The following ANXA8 variants were observed in gnomAD, a reference collection of about 807,000 sequenced individuals.
ANXA8 encodes the protein annexin A8.
Under a neutral mutation model 26.8 loss-of-function variants are expected in ANXA8, and 9 were observed. The observed-to-expected ratio is 0.34, with a 90% CI of 0.20 to 0.59. The LOEUF is 0.59. Among genes scored for constraint, ANXA8 ranks in the 20% least tolerant of loss-of-function variants. The pLI is 0.84. For synonymous variants in ANXA8, 39 were observed against 94.8 expected, an observed-to-expected ratio of 0.41 and a Z score of 3.42; for missense variants, 83 against 238.5, an observed-to-expected ratio of 0.35 and a Z score of 4.29.
chr10:47,490,459 C>G, the ANXA8 span: 67 of 152,406 alleles, frequency 4.4e-4, no homozygotes, highest in Non-Finnish European at 8.0e-4. Flanking sequence ...TGCGAAGGCC[C>G]CGAGTTCTGG....
At chr10:47,767,478 GCTGCTCCCCTGCCTGGCAGGC>G in the ANXA8 span, among the ~76,000 whole-genome samples, 21 of 152,344 alleles carry the variant, frequency 1.4e-4, no homozygotes, top group South Asian at 2.1e-4. Context: ...TTCCTGCCCT[GCTGCTCCCCTGCCTGGCAGGC>G]CTGCTCCCCT....
chr10:47,949,649 G>T, the ANXA8 span, among the ~76,000 whole-genome samples: 1 of 150,638 alleles, frequency 6.6e-6, no homozygotes, highest in Non-Finnish European at 1.5e-5. Context: ...AGAAGTATAT[G>T]GTTGTAAGGT....
At chr10:47,526,306 T>C in the ANXA8 span, among the ~76,000 whole-genome samples, 1 of 131,262 alleles carries the variant, frequency 7.6e-6, no homozygotes, top group Non-Finnish European at 1.6e-5. Context: ...GGTTTCACCA[T>C]GTTGCTCAGG....
At chr10:47,513,160 G>A in the ANXA8 span, among the ~76,000 whole-genome samples, 128 of 149,564 alleles carry the variant, frequency 8.6e-4, no homozygotes, top group African/African-American at 3.0e-3. Flanking sequence ...TCAGCCACCC[G>A]AGTAGATGGG....
the ANXA8 span, chr10:47,691,180 A>G: frequency 1.9e-6 from 3 of 1,583,246 alleles, no homozygotes; most frequent in South Asian, 2.2e-5. Context: ...GGAGGACTGC[A>G]GCATTTTGGG....
chr10:47,976,280 C>A, the ANXA8 span, among the ~76,000 whole-genome samples: 1 of 150,366 alleles, frequency 6.7e-6, no homozygotes, highest in South Asian at 2.1e-4. Context: ...GGAAATTAAC[C>A]AAAGGCTTTC....
the ANXA8 span, among the ~76,000 whole-genome samples, chr10:47,944,956 ACT>A: frequency 6.8e-6 from 1 of 146,900 alleles, no homozygotes; most frequent in Non-Finnish European, 1.5e-5. Context: ...TCTTCCTTAA[ACT>A]CTCTGCACTC....
At chr10:47,591,263 C>T in the ANXA8 span, among the ~76,000 whole-genome samples, 1 of 144,548 alleles carries the variant, frequency 6.9e-6, no homozygotes, top group Admixed American at 6.8e-5. Context: ...TTCAATCCTC[C>T]CCTGACATCT....
At chr10:47,495,866 A>AAC in the ANXA8 span, among the ~76,000 whole-genome samples, 1 of 151,610 alleles carries the variant, frequency 6.6e-6, no homozygotes, top group Non-Finnish European at 1.5e-5. Flanking sequence ...TGTTGCCAGC[A>AAC]ACACACATTC....
the ANXA8 span, chr10:47,507,577 G>A: frequency 6.5e-7 from 1 of 1,529,490 alleles, no homozygotes; most frequent in South Asian, 1.1e-5. Flanking sequence ...GTATCTCCAA[G>A]GTCACACTGT....
At chr10:47,940,397 G>A in the ANXA8 span, among the ~76,000 whole-genome samples, 3 of 147,104 alleles carry the variant, frequency 2.0e-5, no homozygotes, top group African/African-American at 5.3e-5. Flanking sequence ...CTAGGCCAGC[G>A]AGCCCACCTT....
the ANXA8 span, among the ~76,000 whole-genome samples, chr10:47,982,706 G>A: frequency 6.8e-5 from 10 of 146,024 alleles, no homozygotes; most frequent in African/African-American, 1.8e-4. Context: ...AAAAATAAGC[G>A]GGGCATTATC....
At position 47,484,059 on chromosome 10, in the gene ANXA8, G is replaced by T; in HGVS notation, c.-126C>A. ...AGGCCGCTCACTTGGGTGTGGGGGT[G>T]CAAGCCCGCCCAGGGCAGCGCCACA... On this transcript the variant is annotated 5_prime_UTR_variant, in exon 1 of 12. Coordinates refer to ENST00000585281, the MANE Select transcript of ANXA8 (RefSeq NM_001040084.3). 2 of 1,607,622 alleles carry T rather than the reference G, an allele frequency of 1.2e-6. No homozygotes were observed. Among genetic ancestry groups the T allele is most frequent in the African/African-American group, 2.7e-5 (2 of 74,590 alleles).
chr10:47,498,434 G>C, the ANXA8 span, among the ~76,000 whole-genome samples: 1 of 142,242 alleles, frequency 7.0e-6, no homozygotes, highest in Non-Finnish European at 1.5e-5. Context: ...CTTTTGACGA[G>C]TGTGAATACC....
At chr10:47,701,780 G>A in the ANXA8 span, among the ~76,000 whole-genome samples, 4 of 151,764 alleles carry the variant, frequency 2.6e-5, no homozygotes, top group African/African-American at 9.7e-5. Flanking sequence ...GAACAGGATA[G>A]CAGGGGTCAG....
the ANXA8 span, among the ~76,000 whole-genome samples, chr10:47,762,170 T>C: frequency 6.6e-6 from 1 of 150,950 alleles, no homozygotes; most frequent in Admixed American, 6.6e-5. Context: ...CCTAGCCCTC[T>C]ATCAAGGTGA....
chr10:47,646,076 T>C, the ANXA8 span, among the ~76,000 whole-genome samples: 4 of 149,572 alleles, frequency 2.7e-5, no homozygotes, highest in Admixed American at 6.6e-5. Flanking sequence ...TCTGTAAAAG[T>C]ATCTGTATCT....
chr10:47,891,266 AT>A, the ANXA8 span, among the ~76,000 whole-genome samples: 2 of 147,650 alleles, frequency 1.4e-5, no homozygotes, highest in Non-Finnish European at 3.0e-5. Flanking sequence ...ATGAAAATAA[AT>A]AATACACAGT....
chr10:47,563,860 T>G, the ANXA8 span, among the ~76,000 whole-genome samples: 1 of 151,950 alleles, frequency 6.6e-6, no homozygotes, highest in Non-Finnish European at 1.5e-5. Flanking sequence ...TAGCCTTTTT[T>G]TACGGGAGGG....
Sources: gnomAD v4.1 joint callset for allele counts (sites outside exome capture counted in the v4.1 genomes callset) on GRCh38, gnomAD v4.1.1 for gene constraint, MANE v1.5 for transcripts, NCBI Gene and HGNC (gene_info 2026-07-23, HGNC 2026-07-21) for gene names.